Variants in CLUL1 observed in about 807,000 individuals in gnomAD.
CLUL1 encodes the protein clusterin-like protein 1.
Under a neutral mutation model 49.4 loss-of-function variants are expected in CLUL1, and 43 were observed. That is an observed-to-expected ratio of 0.87 (90% CI 0.68 to 1.12). The LOEUF is 1.12. CLUL1 is among the 50% of genes most tolerant of loss of function. The pLI is 0.00. For missense variants in CLUL1, 486 were observed against 544.4 expected (o/e 0.89, Z 1.07); for synonymous variants, 192 against 184.9 (o/e 1.04, Z -0.31).
At position 644,931 on chromosome 18, in the gene CLUL1, G is replaced by A; in HGVS notation, c.1231G>A (p.Gly411Arg). The A allele has an allele frequency of 6.2e-7, 1 of 1,612,184 alleles. No individual in the cohort carries two copies. ...SIQVVPRIHE[G>R]NISKQDETMM... is the part of the protein sequence containing the mutation. ...GTAGGTAGTTCCAAGGATTCATGAAGGAAATATTTCCAAACAAGATGAAAC... is the reference window on the plus strand; with the variant it reads ...GTAGGTAGTTCCAAGGATTCATGAAAGAAATATTTCCAAACAAGATGAAAC... The change falls in exon 9 of 10, where the codon GGA (glycine) becomes AGA (arginine). Residue 411 changes from glycine to arginine, a missense_variant. Transcript: ENST00000692774.
intron 6 of CLUL1, among the ~76,000 whole-genome samples, chr18:630,647 C>T (rs554054968): frequency 4.1e-5 from 6 of 146,364 alleles, no homozygotes; most frequent in South Asian, 2.2e-4. Flanking sequence ...CTAGAGCCTC[C>T]GCAAAAAACT....
At chr18:602,591 G>A (rs1014216723) in intron 1 of CLUL1, among the ~76,000 whole-genome samples, 1 of 152,168 alleles carries the variant, frequency 6.6e-6, no homozygotes, top group Non-Finnish European at 1.5e-5. Flanking sequence ...TTCCTCTGAT[G>A]TGCCTTCTGT....
At chr18:622,660 G>GT (rs1172879909) in intron 4 of CLUL1, among the ~76,000 whole-genome samples, 1 of 152,132 alleles carries the variant, frequency 6.6e-6, no homozygotes, top group Non-Finnish European at 1.5e-5. Context: ...TTTGGTAACT[G>GT]TTTTTTGTCC....
chr18:608,830 G>C (rs1160122432), intron 2 of CLUL1, among the ~76,000 whole-genome samples: 1 of 152,206 alleles, frequency 6.6e-6, no homozygotes, highest in African/African-American at 2.4e-5. Flanking sequence ...AATAACCAAA[G>C]AGTTTTCATA....
intron 2 of CLUL1, chr18:616,631 G>A (rs2073301310): frequency 5.5e-6 from 3 of 548,786 alleles, no homozygotes; most frequent in Non-Finnish European, 7.0e-6. Context: ...GGGTTAATAG[G>A]ATTAAACACT....
At chr18:598,056 A>G (rs1478034165) in intron 1 of CLUL1, 3 of 152,334 alleles carry the variant, frequency 2.0e-5, no homozygotes, top group African/African-American at 7.2e-5. Flanking sequence ...AGAAATACTA[A>G]TAAGGCCACT....
intron 7 of CLUL1, among the ~76,000 whole-genome samples, chr18:636,033 C>A (rs1417836988): frequency 2.6e-5 from 4 of 152,094 alleles, no homozygotes; most frequent in Non-Finnish European, 5.9e-5. Context: ...TCGCGCCTGG[C>A]CAACAAATTG....
Position 606,924 on chromosome 18 carries a change from T to C in CLUL1, c.-135-54T>C. On this transcript the variant is annotated intron_variant, in intron 1 of 9. Transcript: ENST00000692774. This position sits in a 1 kb window ranked among gnomAD's most constrained non-coding sequence, Gnocchi z 4.1. The stretch of plus-strand genomic sequence containing the variant: ...TGCAGTGTTCATAGAATATTTGTAA[T>C]AATTTTAGGCGGCTCCCTAAAATTT... 3 of 588,702 alleles carry C rather than the reference T, an allele frequency of 5.1e-6. No homozygotes were observed. Among genetic ancestry groups the C allele is most frequent in the Non-Finnish European group, 9.0e-6 (3 of 332,106 alleles). 36.5% of individuals were successfully genotyped at this position (588,702 alleles called of 1,614,324 possible).
intron 6 of CLUL1, among the ~76,000 whole-genome samples, chr18:632,538 T>C (rs1286909045): frequency 6.6e-6 from 1 of 152,136 alleles, no homozygotes; most frequent in Non-Finnish European, 1.5e-5. Flanking sequence ...TGGTTCACAA[T>C]CACCTATTTA....
At chr18:639,818 A>G (rs906585653) in intron 7 of CLUL1, among the ~76,000 whole-genome samples, 2 of 152,092 alleles carry the variant, frequency 1.3e-5, no homozygotes, top group Non-Finnish European at 2.9e-5. Flanking sequence ...AAATGGGCAC[A>G]TGTCAAATGT....
chr18:647,066 A>G (rs1196972191), intron 9 of CLUL1, among the ~76,000 whole-genome samples: 2 of 152,136 alleles, frequency 1.3e-5, no homozygotes, highest in Non-Finnish European at 2.9e-5. Flanking sequence ...CCCTTTCTTA[A>G]AAATACATCA....
intron 6 of CLUL1, among the ~76,000 whole-genome samples, chr18:629,630 T>C (rs1286148129): frequency 3.3e-5 from 5 of 152,096 alleles, no homozygotes; most frequent in Non-Finnish European, 7.4e-5. Context: ...CCCCAGCCCC[T>C]CTGCGCCACT....
intron 1 of CLUL1, among the ~76,000 whole-genome samples, chr18:604,953 G>A (rs112626202): frequency 3.2e-4 from 49 of 152,322 alleles, no homozygotes; most frequent in African/African-American, 1.2e-3. Context: ...TCGTCCACTA[G>A]GGACATGTTT....
At chr18:623,570 G>T (rs2073572292) in intron 4 of CLUL1, among the ~76,000 whole-genome samples, 1 of 148,682 alleles carries the variant, frequency 6.7e-6, no homozygotes, top group Admixed American at 6.9e-5. Flanking sequence ...TCTTAAACCT[G>T]GGAGATGGAG....
At chr18:645,233 G>T in intron 9 of CLUL1, 136 bp downstream of exon 9, 1 of 570,692 alleles carries the variant, frequency 1.8e-6, no homozygotes. Context: ...CAAACAAGAT[G>T]GCATTTTCTG....
At position 623,636 on chromosome 18, in the gene CLUL1, C is replaced by G. The variant is rs866585524; in HGVS notation, c.256-1229C>G. ...CTCCAGCCTGGGCGACACAGCCAGA[C>G]TCTGTCTCAAAAAAAAAAAAAAAAA... On this transcript the variant is annotated intron_variant, in intron 4 of 9. Coordinates refer to ENST00000692774, the MANE Select transcript of CLUL1 (RefSeq NM_001393344.1). Among the ~76,000 whole-genome samples, 7 of 95,322 alleles carry G rather than the reference C, an allele frequency of 7.3e-5. No homozygotes were observed. The Middle Eastern group carries it at 0.03, about 413-fold the overall frequency. 62.5% of individuals were successfully genotyped at this position (95,322 alleles called of 152,430 possible).
At chr18:645,804 AAAAAAAAT>A (rs1392892097) in intron 9 of CLUL1, among the ~76,000 whole-genome samples, 23 of 48,660 alleles carry the variant, frequency 4.7e-4, no homozygotes, top group South Asian at 9.1e-4. Context: ...AAAAAAAAAA[AAAAAAAAT>A]ATATATATAT....
Position 625,052 on chromosome 18 carries a change from C to G in CLUL1, c.423+20C>G, listed in dbSNP as rs1373675278. On this transcript the variant is annotated intron_variant, in intron 5 of 9. Coordinates refer to ENST00000692774, the MANE Select transcript of CLUL1 (RefSeq NM_001393344.1). ...AATAAGGTAAGAGAAAAAGAGAGCTCAAGATTTCACAGTTCTTGAGGCACC... is the reference window on the plus strand; with the variant it reads ...AATAAGGTAAGAGAAAAAGAGAGCTGAAGATTTCACAGTTCTTGAGGCACC... 4.3e-6 allele frequency: 7 copies of G among 1,611,822 alleles called. No homozygotes were observed. The highest frequency in any genetic ancestry group is 5.9e-6 in the Non-Finnish European group (7 of 1,178,830).
intron 6 of CLUL1, among the ~76,000 whole-genome samples, chr18:629,636 C>T (rs2073929120): frequency 6.6e-6 from 1 of 152,224 alleles, no homozygotes; most frequent in Admixed American, 6.5e-5. Context: ...CCCCTCTGCG[C>T]CACTTCCATC....
Sources: gnomAD v4.1 joint callset for allele counts (sites outside exome capture counted in the v4.1 genomes callset) on GRCh38, gnomAD v4.1.1 for gene constraint, Gnocchi (gnomAD v3.1) non-coding constraint, MANE v1.5 for transcripts, NCBI Gene and HGNC (gene_info 2026-07-23, HGNC 2026-07-21) for gene names.